The following ERG variants were observed in gnomAD, a reference collection of about 807,000 sequenced individuals.
ERG encodes the protein transcriptional regulator ERG.
Under a neutral mutation model 55.3 loss-of-function variants are expected in ERG, and 9 were observed. That is an observed-to-expected ratio of 0.16 (90% CI 0.10 to 0.28). ERG has a LOEUF of 0.28. Ranked by LOEUF, ERG falls within the 10% of genes least tolerant of loss-of-function variation. ERG has a pLI of 1.00. For synonymous variants in ERG, 223 were observed against 237.3 expected (o/e 0.94, Z 0.55); for missense variants, 434 against 631.6 (o/e 0.69, Z 3.35).
At chr21:38,420,047 C>CTTTTT (rs1569083418) in intron 3 of ERG, among the ~76,000 whole-genome samples, 1 of 149,516 alleles carries the variant, frequency 6.7e-6, no homozygotes. Flanking sequence ...TTTTTTTTCA[C>CTTTTT]TCAGCTATCC....
intron 1 of ERG, among the ~76,000 whole-genome samples, chr21:38,611,648 C>T (rs1568948684): frequency 6.6e-6 from 1 of 152,196 alleles, no homozygotes. Flanking sequence ...CCAACACTCT[C>T]CATTTGCTGC....
chr21:38,489,950 T>A (rs1601124820), intron 1 of ERG, among the ~76,000 whole-genome samples: 1 of 152,166 alleles, frequency 6.6e-6, no homozygotes, highest in African/African-American at 2.4e-5. Context: ...GCGATTGCAA[T>A]GAGAGAGAAA....
At chr21:38,478,003 C>A (rs1035991086) in intron 1 of ERG, among the ~76,000 whole-genome samples, 7 of 152,248 alleles carry the variant, frequency 4.6e-5, no homozygotes, top group Non-Finnish European at 7.3e-5. Context: ...TCGATCTTAT[C>A]TCTCCCTTGA....
intron 1 of ERG, among the ~76,000 whole-genome samples, chr21:38,658,818 C>T (rs944224916): frequency 6.6e-6 from 1 of 152,168 alleles, no homozygotes; most frequent in African/African-American, 2.4e-5. Flanking sequence ...CAAGGTTTTT[C>T]TTTAATATAA....
intron 2 of ERG, among the ~76,000 whole-genome samples, chr21:38,524,911 C>G (rs1172712295): frequency 6.6e-6 from 1 of 152,206 alleles, no homozygotes; most frequent in Non-Finnish European, 1.5e-5. Context: ...CTCCAGCCTT[C>G]TCTGTTTGAA....
chr21:38,577,720 T>C (rs2060003340), intron 1 of ERG, among the ~76,000 whole-genome samples: 1 of 152,162 alleles, frequency 6.6e-6, no homozygotes, highest in Non-Finnish European at 1.5e-5. Context: ...AAGGGGAGCG[T>C]CTGCAAGCCA....
chr21:38,421,062 C>T (rs1306020167), intron 3 of ERG, among the ~76,000 whole-genome samples: 4 of 152,078 alleles, frequency 2.6e-5, no homozygotes, highest in Admixed American at 6.5e-5. Flanking sequence ...TCCTAGCCTT[C>T]GAGTTTTTCT....
intron 1 of ERG, among the ~76,000 whole-genome samples, chr21:38,618,281 C>T (rs1280811885): frequency 6.6e-6 from 1 of 150,772 alleles, no homozygotes; most frequent in East Asian, 2.0e-4. Flanking sequence ...ATGATCATCT[C>T]GGAACGAACA....
chr21:38,419,758 T>A (rs1039663695), intron 3 of ERG, among the ~76,000 whole-genome samples: 1 of 40,152 alleles, frequency 2.5e-5, no homozygotes, highest in Non-Finnish European at 8.6e-5. Flanking sequence ...TCTTATGGGC[T>A]TTTTTTTGAC....
chr21:38,416,928 G>A (rs761283514), intron 3 of ERG, among the ~76,000 whole-genome samples: 2 of 152,168 alleles, frequency 1.3e-5, no homozygotes, highest in Non-Finnish European at 2.9e-5. Flanking sequence ...GGCTGCAAAG[G>A]GCTTTCGAAA....
At chr21:38,429,525 G>GTACATATACACATAGGTGTGTATA (rs1990052477) in intron 2 of ERG, among the ~76,000 whole-genome samples, 1 of 25,282 alleles carries the variant, frequency 4.0e-5, no homozygotes, top group African/African-American at 1.0e-4. Flanking sequence ...ATACATGTAT[G>GTACATATACACATAGGTGTGTATA]CACATGTACA....
chr21:38,509,886 A>G (rs1412660100), intron 2 of ERG, among the ~76,000 whole-genome samples: 1 of 152,190 alleles, frequency 6.6e-6, no homozygotes, highest in East Asian at 1.9e-4. Context: ...AGCTCCTAGA[A>G]ATCAGAGGCT....
chr21:38,392,556 C>T, intron 6 of ERG, 112 bp from the exon 7 acceptor site: 2 of 732,602 alleles, frequency 2.7e-6, no homozygotes, highest in Admixed American at 7.2e-5. Context: ...GCAAAAAAAT[C>T]TGGTAATCCA....
chr21:38,419,468 AC>A (rs1253507523), intron 3 of ERG, among the ~76,000 whole-genome samples: 1 of 152,058 alleles, frequency 6.6e-6, no homozygotes, highest in Admixed American at 6.5e-5. Context: ...AATAACACCT[AC>A]CTTTTGCAAT....
At chr21:38,580,300 A>T (rs115476243) in intron 1 of ERG, among the ~76,000 whole-genome samples, 1 of 152,128 alleles carries the variant, frequency 6.6e-6, no homozygotes, top group African/African-American at 2.4e-5. Context: ...CTTTTTTACC[A>T]TTTCAGAGGT....
chr21:38,429,652 T>A (rs13051140), intron 2 of ERG, among the ~76,000 whole-genome samples: 8,991 of 24,370 alleles, frequency 0.37, 2,805 homozygotes, highest in East Asian at 0.6. Flanking sequence ...TATACACATG[T>A]ACATATATAC....
intron 5 of ERG, 138 bp downstream of exon 5, chr21:38,402,419 A>G: frequency 3.1e-6 from 2 of 636,398 alleles, no homozygotes; most frequent in Non-Finnish European, 5.4e-6. Flanking sequence ...GTACATTCCT[A>G]AGTATCCGAA....
intron 2 of ERG, among the ~76,000 whole-genome samples, chr21:38,570,338 C>T (rs2059949807): frequency 6.6e-6 from 1 of 152,166 alleles, no homozygotes; most frequent in Admixed American, 6.5e-5. Context: ...TATGTATGTA[C>T]CCTGGAAAAC....
chr21:38,661,045 A>C (rs2060552471), intron 1 of ERG, among the ~76,000 whole-genome samples: 1 of 151,346 alleles, frequency 6.6e-6, no homozygotes, highest in Admixed American at 6.6e-5. Context: ...AGGAGGAGGG[A>C]GGCGGAGGAG....
Sources: gnomAD v4.1 joint callset for allele counts (sites outside exome capture counted in the v4.1 genomes callset) on GRCh38, gnomAD v4.1.1 for gene constraint, MANE v1.5 for transcripts, NCBI Gene and HGNC (gene_info 2026-07-23, HGNC 2026-07-21) for gene names.